The following GALNT1 variants were observed in gnomAD, a reference collection of about 807,000 sequenced individuals.
GALNT1 encodes the protein polypeptide N-acetylgalactosaminyltransferase 1.
GALNT1 carries 17 observed loss-of-function variants against 65.7 expected under a neutral mutation model. That is an observed-to-expected ratio of 0.26 (90% CI 0.18 to 0.39). The LOEUF (loss-of-function observed/expected upper bound fraction) is 0.39, where lower values mean the gene tolerates loss of function less well. Among genes scored for constraint, GALNT1 ranks in the 10% least tolerant of loss-of-function variants. GALNT1 has a pLI of 1.00. For missense variants in GALNT1, 460 were observed against 672.8 expected, an observed-to-expected ratio of 0.68 and a Z score of 3.50; for synonymous variants, 210 against 219.7, an observed-to-expected ratio of 0.96 and a Z score of 0.39.
rs537051271 is a variant in GALNT1 at position 35,631,402 on chromosome 18, A to C, written c.-103-23158A>C. Among the ~76,000 whole-genome samples the C allele has an allele frequency of 3.4e-3, 523 of 152,362 alleles. 7 individuals are homozygous for C. Among genetic ancestry groups the C allele is most frequent in the African/African-American group, 0.012 (500 of 41,580 alleles). On this transcript the variant is annotated intron_variant, in intron 1 of 11. Transcript: ENST00000269195. ...CCCTGGGATGCAAGGCTGGTTCAAC[A>C]TACGCAAATCAATAAATGTAATCCA...
chr18:35,648,404 T>C (rs879789915), intron 1 of GALNT1, among the ~76,000 whole-genome samples: 7 of 152,198 alleles, frequency 4.6e-5, no homozygotes, highest in Non-Finnish European at 1.0e-4. Flanking sequence ...GTTGGTTAGT[T>C]GTATTAAAGG....
At chr18:35,687,237 TG>T in intron 6 of GALNT1, 51 bp downstream of exon 6, 1 of 1,555,052 alleles carries the variant, frequency 6.4e-7, no homozygotes, top group Non-Finnish European at 8.8e-7. Context: ...CAGAAGGTTG[TG>T]GAGCTTTGGG....
chr18:35,589,385 C>T (rs950169652), intron 1 of GALNT1, among the ~76,000 whole-genome samples: 5 of 152,102 alleles, frequency 3.3e-5, no homozygotes, highest in African/African-American at 4.8e-5. Flanking sequence ...TGGCATGGGT[C>T]GGGGTAAGGC....
At chr18:35,678,605 C>T (rs1476628145) in intron 4 of GALNT1, among the ~76,000 whole-genome samples, 1 of 152,166 alleles carries the variant, frequency 6.6e-6, no homozygotes, top group Non-Finnish European at 1.5e-5. Context: ...GTTTAGGAAT[C>T]ATTGGTGTCA....
intron 1 of GALNT1, among the ~76,000 whole-genome samples, chr18:35,583,476 G>C (rs961331666): frequency 2.2e-4 from 34 of 152,306 alleles, no homozygotes; most frequent in African/African-American, 7.7e-4. Flanking sequence ...TTTCTCAATA[G>C]AGTTTAAGCT....
In GALNT1 at chr18:35,610,814, G is replaced by T. The variant is rs111808951; in HGVS notation, c.-104+28952G>T. ...TTTTCCAAAACAAAAAAAGTGAGAA[G>T]TGTGGCATTATCTGACATTTGTGTA... On this transcript the variant is annotated intron_variant, in intron 1 of 11. Coordinates refer to ENST00000269195, the MANE Select transcript of GALNT1 (RefSeq NM_020474.4). 6.4e-3 allele frequency among the ~76,000 whole-genome samples: 974 copies of T among 152,302 alleles called. 19 individuals are homozygous for T. The highest frequency in any genetic ancestry group is 0.022 in the African/African-American group (924 of 41,562).
At chr18:35,680,551 G>T (rs914312224) in intron 4 of GALNT1, among the ~76,000 whole-genome samples, 1 of 152,192 alleles carries the variant, frequency 6.6e-6, no homozygotes, top group African/African-American at 2.4e-5. Context: ...AAAGAATAAT[G>T]TACACTGGTA....
intron 9 of GALNT1, among the ~76,000 whole-genome samples, chr18:35,694,282 A>G (rs2048017422): frequency 6.6e-6 from 1 of 152,320 alleles, no homozygotes; most frequent in African/African-American, 2.4e-5. Flanking sequence ...GGAGGAGAAT[A>G]TGGGCTTAAA....
chr18:35,647,615 G>A (rs1268812777), intron 1 of GALNT1, among the ~76,000 whole-genome samples: 2 of 152,118 alleles, frequency 1.3e-5, no homozygotes, highest in East Asian at 3.8e-4. Context: ...ATTTGTCGAA[G>A]GTTCTCATAT....
intron 1 of GALNT1, among the ~76,000 whole-genome samples, chr18:35,602,606 A>G (rs1045070934): frequency 6.6e-6 from 1 of 151,868 alleles, no homozygotes. Context: ...TCGAGCTCAT[A>G]TTGTTCGGCT....
chr18:35,708,469 C>T (rs373791179), intron 11 of GALNT1, among the ~76,000 whole-genome samples: 2 of 152,028 alleles, frequency 1.3e-5, no homozygotes, highest in African/African-American at 2.4e-5. Context: ...GTTTTAAGTT[C>T]TAATAGGTGC....
intron 9 of GALNT1, among the ~76,000 whole-genome samples, chr18:35,700,766 T>C (rs915651360): frequency 5.9e-5 from 9 of 152,196 alleles, no homozygotes; most frequent in Admixed American, 5.9e-4. Context: ...TCTACATGCA[T>C]GAGCCACCAC....
intron 1 of GALNT1, among the ~76,000 whole-genome samples, chr18:35,634,577 A>G (rs190414765): frequency 2.0e-5 from 3 of 152,316 alleles, no homozygotes; most frequent in East Asian, 1.9e-4. Context: ...TCTTCCAGCA[A>G]TGAATCGTGA....
chr18:35,684,376 G>A (rs1310753650), intron 5 of GALNT1, among the ~76,000 whole-genome samples: 1 of 152,104 alleles, frequency 6.6e-6, no homozygotes, highest in Non-Finnish European at 1.5e-5. Flanking sequence ...GAATAAATAG[G>A]AAAACTCAGC....
At chr18:35,617,447 C>G (rs373693257) in intron 1 of GALNT1, among the ~76,000 whole-genome samples, 2 of 152,170 alleles carry the variant, frequency 1.3e-5, no homozygotes, top group East Asian at 3.8e-4. Flanking sequence ...AAAGTTACTT[C>G]TTTGTTTTAA....
intron 9 of GALNT1, among the ~76,000 whole-genome samples, chr18:35,695,969 C>T (rs665852): frequency 0.36 from 54,288 of 151,960 alleles, 10,328 homozygotes; most frequent in Middle Eastern, 0.52. Context: ...GGCCAGAGTT[C>T]GGGCGTGTGA....
chr18:35,655,637 T>G (rs998902501), intron 2 of GALNT1, among the ~76,000 whole-genome samples: 1 of 152,024 alleles, frequency 6.6e-6, no homozygotes, highest in Non-Finnish European at 1.5e-5. Flanking sequence ...TTTTTAGAAA[T>G]TATATACAAA....
intron 3 of GALNT1, among the ~76,000 whole-genome samples, chr18:35,667,504 TA>T (rs2047566572): frequency 6.6e-6 from 1 of 152,118 alleles, no homozygotes; most frequent in Admixed American, 6.5e-5. Flanking sequence ...AAAAATAACA[TA>T]AACAATGATA....
intron 2 of GALNT1, among the ~76,000 whole-genome samples, chr18:35,660,523 C>A (rs2047463298): frequency 6.6e-6 from 1 of 152,156 alleles, no homozygotes; most frequent in Admixed American, 6.5e-5. Context: ...TAGAAATGAG[C>A]TGCATGTAGA....
Sources: gnomAD v4.1 joint callset for allele counts (sites outside exome capture counted in the v4.1 genomes callset) on GRCh38, gnomAD v4.1.1 for gene constraint, MANE v1.5 for transcripts, NCBI Gene and HGNC (gene_info 2026-07-23, HGNC 2026-07-21) for gene names.